Variants in DYM observed in about 807,000 individuals in gnomAD.
The protein encoded by DYM is dyggve-Melchior-Clausen syndrome protein.
A neutral mutation model predicts 93.1 loss-of-function variants in DYM; 78 were observed. That is an observed-to-expected ratio of 0.84 (90% CI 0.70 to 1.01). DYM has a LOEUF of 1.01. DYM is among the 50% of genes least tolerant of loss of function. DYM has a pLI of 0.00. For missense variants in DYM, 789 were observed against 845.0 expected (o/e 0.93, Z 0.82); for synonymous variants, 321 against 319.7 (o/e 1.00, Z -0.04).
intron 13 of DYM, among the ~76,000 whole-genome samples, chr18:49,224,428 A>G (rs968896020): frequency 2.0e-5 from 3 of 152,042 alleles, no homozygotes; most frequent in African/African-American, 7.2e-5. Context: ...GGAAAAGAGT[A>G]GAGAGAGAAA....
intron 10 of DYM, among the ~76,000 whole-genome samples, chr18:49,279,983 G>A (rs1056191913): frequency 1.6e-4 from 24 of 152,130 alleles, no homozygotes; most frequent in African/African-American, 5.8e-4. Context: ...ACCAAATACT[G>A]GGAGAATCCT....
intron 1 of DYM, among the ~76,000 whole-genome samples, chr18:49,448,998 C>T (rs917961196): frequency 3.3e-5 from 5 of 152,236 alleles, no homozygotes; most frequent in Middle Eastern, 3.4e-3. Context: ...CCTTCAAGTC[C>T]CCCTTATTTA....
At chr18:49,083,362 G>C (rs931398057) in intron 17 of DYM, among the ~76,000 whole-genome samples, 1 of 152,142 alleles carries the variant, frequency 6.6e-6, no homozygotes, top group African/African-American at 2.4e-5. Flanking sequence ...AATCTGACTT[G>C]GTTATGGTGT....
chr18:49,418,021 T>A (rs1000059799), intron 2 of DYM: 1 of 146,988 alleles, frequency 6.8e-6, no homozygotes, highest in African/African-American at 2.5e-5. Flanking sequence ...GATCATGCCA[T>A]TGCACTCCAG....
chr18:49,310,174 TG>T (rs1381183551), intron 8 of DYM, among the ~76,000 whole-genome samples: 1 of 152,254 alleles, frequency 6.6e-6, no homozygotes, highest in Admixed American at 6.5e-5. Flanking sequence ...GTATCAAATT[TG>T]TAATGGCAGT....
At chr18:49,374,774 C>T (rs1319797981) in intron 5 of DYM, among the ~76,000 whole-genome samples, 1 of 152,152 alleles carries the variant, frequency 6.6e-6, no homozygotes, top group Non-Finnish European at 1.5e-5. Flanking sequence ...GCCTGACCAA[C>T]ATGGTGAAAC....
intron 14 of DYM, among the ~76,000 whole-genome samples, chr18:49,181,453 T>C (rs1043393161): frequency 2.6e-5 from 4 of 152,206 alleles, no homozygotes; most frequent in African/African-American, 9.6e-5. Context: ...ACAGGTTGAA[T>C]TTCCTTCATC....
At chr18:49,422,867 C>A (rs1377403550) in intron 2 of DYM, among the ~76,000 whole-genome samples, 1 of 152,096 alleles carries the variant, frequency 6.6e-6, no homozygotes, top group Non-Finnish European at 1.5e-5. Context: ...TATATATGCA[C>A]CCAATACAGG....
intron 15 of DYM, among the ~76,000 whole-genome samples, chr18:49,140,841 T>C (rs998787630): frequency 6.6e-6 from 1 of 152,228 alleles, no homozygotes; most frequent in Non-Finnish European, 1.5e-5. Context: ...TCATGATTAA[T>C]TAATCTAGCT....
In DYM at chr18:49,038,901, C is replaced by T. The variant is rs1465790137; in HGVS notation, c.*5154G>A. On this transcript the variant is annotated 3_prime_UTR_variant, in exon 18 of 18. Transcript: ENST00000675505. ...AAGTGTCTTAGAACACTTAAAATTCCCACATAAATCCTTTCATTTTCATAC... is the reference window on the plus strand; with the variant it reads ...AAGTGTCTTAGAACACTTAAAATTCTCACATAAATCCTTTCATTTTCATAC... Among the ~76,000 whole-genome samples, 2 of 152,098 alleles carry T rather than the reference C, an allele frequency of 1.3e-5. No individual in the cohort carries two copies. Among genetic ancestry groups the T allele is most frequent in the Non-Finnish European group, 2.9e-5 (2 of 68,010 alleles).
chr18:49,421,737 G>T (rs918588267), intron 2 of DYM, among the ~76,000 whole-genome samples: 2 of 152,300 alleles, frequency 1.3e-5, no homozygotes, highest in Admixed American at 6.5e-5. Flanking sequence ...AAACCATCGC[G>T]AAGAAGCTAA....
intron 8 of DYM, among the ~76,000 whole-genome samples, chr18:49,317,650 T>TCTCCTCTCCTC (rs1555690539): frequency 7.5e-4 from 55 of 73,544 alleles, no homozygotes; most frequent in African/African-American, 1.4e-3. Context: ...TCTCCTCTCC[T>TCTCCTCTCCTC]TCCTTCCTTC....
intron 1 of DYM, among the ~76,000 whole-genome samples, chr18:49,431,545 A>T (rs957179853): frequency 6.6e-6 from 1 of 152,242 alleles, no homozygotes; most frequent in African/African-American, 2.4e-5. Context: ...ATAGATTTAG[A>T]TCATGTTTTA....
chr18:49,290,388 A>C (rs908682714), intron 8 of DYM, among the ~76,000 whole-genome samples: 3 of 152,102 alleles, frequency 2.0e-5, no homozygotes, highest in African/African-American at 7.2e-5. Context: ...CAAGAAGGAC[A>C]AAGTATACAT....
chr18:49,087,082 G>A (rs1392678562), intron 17 of DYM, among the ~76,000 whole-genome samples: 1 of 152,090 alleles, frequency 6.6e-6, no homozygotes, highest in Non-Finnish European at 1.5e-5. Context: ...GCAGGAAGAT[G>A]GCCATCTATA....
chr18:49,103,681 T>C (rs1390007262), intron 16 of DYM, among the ~76,000 whole-genome samples: 1 of 152,252 alleles, frequency 6.6e-6, no homozygotes, highest in Non-Finnish European at 1.5e-5. Flanking sequence ...CCTTTCCCCA[T>C]TTCTTGTTTT....
chr18:49,388,376 T>C (rs2068841173), intron 3 of DYM, among the ~76,000 whole-genome samples: 2 of 151,296 alleles, frequency 1.3e-5, no homozygotes, highest in East Asian at 1.9e-4. Flanking sequence ...AAACTAAAGA[T>C]GAATTAACAG....
chr18:49,055,593 G>C (rs1376432829), intron 17 of DYM, among the ~76,000 whole-genome samples: 2 of 152,228 alleles, frequency 1.3e-5, no homozygotes, highest in Non-Finnish European at 2.9e-5. Context: ...GAGGTGCCAA[G>C]AGTCCTTCCT....
At chr18:49,332,367 G>A (rs187734674) in intron 7 of DYM, among the ~76,000 whole-genome samples, 175 of 152,258 alleles carry the variant, frequency 1.1e-3, no homozygotes, top group Non-Finnish European at 4.3e-4. Context: ...CTCCCAAAGT[G>A]CTGAGATTAC....
Sources: allele counts gnomAD v4.1 joint callset (sites outside exome capture counted in the v4.1 genomes callset), GRCh38; gene constraint gnomAD v4.1.1; transcripts MANE v1.5; gene names NCBI Gene and HGNC (gene_info 2026-07-23, HGNC 2026-07-21).